SMARCC2: variants seen among roughly 807,000 people sequenced by gnomAD.
SMARCC2 encodes SWI/SNF complex subunit SMARCC2.
Under a neutral mutation model 151.3 loss-of-function variants are expected in SMARCC2, and 15 were observed. That is an observed-to-expected ratio of 0.10 (90% CI 0.07 to 0.15). The LOEUF (loss-of-function observed/expected upper bound fraction) is 0.15. Among genes scored for constraint, SMARCC2 ranks in the 10% least tolerant of loss-of-function variants. The pLI is 1.00. For missense variants in SMARCC2, 1,031 were observed against 1,599.7 expected, an observed-to-expected ratio of 0.64 and a Z score of 6.06; for synonymous variants, 590 against 609.5, an observed-to-expected ratio of 0.97 and a Z score of 0.47.
rs890063228 is a variant in SMARCC2 at position 56,185,337 on chromosome 12, C to T, written c.318-226G>A. 1.4e-5 allele frequency: 7 copies of T among 483,962 alleles called. No individual in the cohort carries two copies. The East Asian group carries it at 1.9e-4, about 13-fold the overall frequency. 30.0% of individuals were successfully genotyped at this position (483,962 alleles called of 1,614,324 possible). ...GGGACTATAGGCACACACCACCTCACGTGGCTAATTTTTGTATTTTTAGTA... is the reference window on the plus strand; with the variant it reads ...GGGACTATAGGCACACACCACCTCATGTGGCTAATTTTTGTATTTTTAGTA... On this transcript the variant is annotated intron_variant, in intron 3 of 28. Transcript: ENST00000550164.
intron 27 of SMARCC2, 84 bp downstream of exon 27, chr12:56,165,234 C>T (rs1421440815): frequency 6.2e-5 from 88 of 1,417,114 alleles, no homozygotes; most frequent in Non-Finnish European, 8.0e-5. Context: ...CATCTCCACA[C>T]TCATCTTGTA....
chr12:56,166,631 C>A (rs1400826934), intron 26 of SMARCC2, among the ~76,000 whole-genome samples: 2 of 151,092 alleles, frequency 1.3e-5, no homozygotes, highest in Non-Finnish European at 3.0e-5. Context: ...ACTCTGTCAC[C>A]CAGGCTGGAA....
chr12:56,186,977 T>A (rs1877381074), intron 2 of SMARCC2: 1 of 475,038 alleles, frequency 2.1e-6, no homozygotes. Flanking sequence ...TCTGAAATAA[T>A]TTGTTGCACA....
chr12:56,179,952 TG>T (rs1364161175), intron 11 of SMARCC2, among the ~76,000 whole-genome samples: 2 of 152,166 alleles, frequency 1.3e-5, no homozygotes, highest in Non-Finnish European at 1.5e-5. Context: ...CCCAAAGTGC[TG>T]GGATTACAGG....
intron 2 of SMARCC2, 161 bp downstream of exon 2, chr12:56,187,026 T>C (rs1877389599): frequency 1.6e-6 from 1 of 630,384 alleles, no homozygotes; most frequent in South Asian, 2.1e-5. Flanking sequence ...AACTGGAGAC[T>C]AGGCCAAGCC....
In SMARCC2 at chr12:56,163,756, G is replaced by T; in HGVS notation, c.3671C>A (p.Thr1224Asn). Residue 1224 changes from threonine (T) to asparagine (N), a missense_variant, in exon 29 of 29, where the codon ACC becomes AAC. Transcript: ENST00000550164. ...PSASPLPDPG[T>N]PLPPDPTAPS... ...GGCTGTGGGGTCTGGAGGCAGGGGG[G>T]TGCCTGGGTCTGTGGAGAAAAGGAA... The T allele has an allele frequency of 6.6e-7, 1 of 1,512,678 alleles. No homozygotes were observed. Among genetic ancestry groups the T allele is most frequent in the Middle Eastern group, 1.7e-4 (1 of 5,766 alleles). The allele number at this position is 1,512,678 out of a possible 1,614,324, so 93.7% of individuals were successfully genotyped here.
Position 56,184,832 on chromosome 12 carries a change from C to G in SMARCC2, c.492+12G>C, listed in dbSNP as rs138815382. The G allele has an allele frequency of 1.1e-4, 165 of 1,529,632 alleles. No homozygotes were observed. In the African/African-American group the frequency reaches 2.1e-3, roughly 20 times the overall value. 94.8% of individuals were successfully genotyped at this position (1,529,632 alleles called of 1,614,324 possible). On this transcript the variant is annotated intron_variant, in intron 5 of 28. Transcript: ENST00000550164. ...TGGAGTTTCTGAAACCTCTCCTCAC[C>G]AGACCATTTACCTGGTGTCTCTTGA... is the stretch of plus-strand genomic sequence containing the variant.
intron 11 of SMARCC2, among the ~76,000 whole-genome samples, chr12:56,180,693 C>T (rs1478637034): frequency 2.0e-5 from 3 of 152,148 alleles, no homozygotes; most frequent in Non-Finnish European, 2.9e-5. Flanking sequence ...CATAAGCCAC[C>T]GTGCCTGGCC....
intron 20 of SMARCC2, chr12:56,172,139 A>G (rs891719717): frequency 1.7e-6 from 1 of 576,504 alleles, no homozygotes; most frequent in Non-Finnish European, 3.0e-6. Flanking sequence ...CCCAGCCTGG[A>G]GCTGGTCCTG....
rs767475668 is a variant in SMARCC2 at position 56,169,895 on chromosome 12, C to G, written c.2429G>C (p.Gly810Ala). 3.1e-6 allele frequency: 5 copies of G among 1,613,818 alleles called. No individual in the cohort carries two copies. The highest frequency in any genetic ancestry group is 4.2e-6 in the Non-Finnish European group (5 of 1,180,002). Residue 810 changes from glycine to alanine, a missense_variant, in exon 24 of 29, where the codon GGG becomes GCG. Physicochemically the swap from Gly to Ala is moderately conservative, Grantham distance 60. Coordinates refer to ENST00000550164, the MANE Select transcript of SMARCC2 (RefSeq NM_001330288.2). Reference sequence around the variant, plus strand: ...TTTTGCTTCCTCCTCTATAGCACCCCCTCCTTCTCGGGGTTCCTGAAATTC... The same window carrying G: ...TTTTGCTTCCTCCTCTATAGCACCCGCTCCTTCTCGGGGTTCCTGAAATTC... ...KKEPKEPREG[G>A]GAIEEEAKEK...
At position 56,189,384 on chromosome 12, in the gene SMARCC2, G is replaced by A. The variant is rs774468255; in HGVS notation, c.78C>T (p.Asn26=). 2.7e-5 allele frequency: 42 copies of A among 1,541,884 alleles called. 1 individual carries two copies. In the Middle Eastern group the frequency reaches 1.0e-3, roughly 38 times the overall value. Residue 26 remains asparagine (N), a synonymous_variant, in exon 1 of 29, where the codon AAC becomes AAT. Transcript: ENST00000550164. ...AGTTCTTGCCGAGCCACAGCCGCACGTTGTCGAACTGGGTCACGGTGTCCG... is the reference window on the plus strand; with the variant it reads ...AGTTCTTGCCGAGCCACAGCCGCACATTGTCGAACTGGGTCACGGTGTCCG... ...EAADTVTQFD[N]VRLWLGKNYK...
At chr12:56,180,015 T>G (rs568430542) in intron 11 of SMARCC2, among the ~76,000 whole-genome samples, 5 of 152,098 alleles carry the variant, frequency 3.3e-5, no homozygotes, top group Non-Finnish European at 7.4e-5. Context: ...ATTCTTTACA[T>G]TTTTCAATTT....
intron 15 of SMARCC2, among the ~76,000 whole-genome samples, chr12:56,175,724 C>G (rs973578561): frequency 6.6e-6 from 1 of 152,086 alleles, no homozygotes; most frequent in Non-Finnish European, 1.5e-5. Flanking sequence ...TCCTCTATAC[C>G]CTATCTGTCA....
chr12:56,166,693 G>A (rs1422282889), intron 26 of SMARCC2, among the ~76,000 whole-genome samples: 1 of 151,072 alleles, frequency 6.6e-6, no homozygotes, highest in South Asian at 2.1e-4. Context: ...GGGCTCAAAC[G>A]ATCCTCCCAC....
rs1175657828 is a variant in SMARCC2 at position 56,162,402 on chromosome 12, GAAAGAAAAAA to G, written c.*1277_*1286del. The G allele has an allele frequency of 3.6e-5, 23 of 637,426 alleles. No individual in the cohort carries two copies. Among genetic ancestry groups the G allele is most frequent in the Admixed American group, 5.7e-5 (2 of 35,020 alleles). 39.5% of individuals were successfully genotyped at this position (637,426 alleles called of 1,614,324 possible). A position where few individuals can be genotyped will look rare whatever the true frequency, so the allele number is the denominator to read the frequency against. ...AATTTATAAAAAAAAAAAAAAGAAA[GAAAGAAAAAA>G]AGAGAAAATTTACAGAAAACTTTGA... On this transcript the variant is annotated 3_prime_UTR_variant, in exon 29 of 29. Coordinates refer to ENST00000550164, the MANE Select transcript of SMARCC2 (RefSeq NM_001330288.2).
chr12:56,175,706 G>C (rs1458189597), intron 15 of SMARCC2, among the ~76,000 whole-genome samples: 1 of 152,136 alleles, frequency 6.6e-6, no homozygotes. Context: ...TTATGCAGGT[G>C]ACTTGACTCC....
At chr12:56,173,454 T>C (rs1362405855) in intron 17 of SMARCC2, among the ~76,000 whole-genome samples, 1 of 152,114 alleles carries the variant, frequency 6.6e-6, no homozygotes, top group Non-Finnish European at 1.5e-5. Flanking sequence ...TCCCCTACAT[T>C]AGCCTGTCTA....
At chr12:56,185,186 G>C in intron 3 of SMARCC2, 75 bp from the exon 4 acceptor site, 1 of 1,270,138 alleles carries the variant, frequency 7.9e-7, no homozygotes, top group Non-Finnish European at 1.1e-6. Flanking sequence ...TGACTTTTTT[G>C]TTTGTTTTTT....
chr12:56,179,015 C>T lies in SMARCC2; in HGVS notation c.1123G>A (p.Gly375Ser). Residue 375 changes from glycine to serine, a missense_variant, in exon 12 of 29, where the codon GGC becomes AGC. Transcript: ENST00000550164. Reference sequence around the variant, plus strand: ...GTCTTACCCAGGTCGGTCATGGTGCCGCCTTTGACTGGGGCCGACTCTGAG... The same window carrying T: ...GTCTTACCCAGGTCGGTCATGGTGCTGCCTTTGACTGGGGCCGACTCTGAG... The part of the protein sequence containing the change: ...KDSESAPVKG[G>S]TMTDLDEQED... The T allele has an allele frequency of 1.9e-6, 3 of 1,614,154 alleles. No individual in the cohort carries two copies. Among genetic ancestry groups the T allele is most frequent in the East Asian group, 2.2e-5 (1 of 44,876 alleles).
Sources: allele counts gnomAD v4.1 joint callset (sites outside exome capture counted in the v4.1 genomes callset), GRCh38; gene constraint gnomAD v4.1.1; transcripts MANE v1.5; gene names NCBI Gene and HGNC (gene_info 2026-07-23, HGNC 2026-07-21).